Variants in ZBTB20 observed in about 807,000 individuals in gnomAD.
ZBTB20 encodes zinc finger and BTB domain-containing protein 20.
In ZBTB20, 9 loss-of-function variants were observed where a neutral mutation model predicts 56.9. The ratio of observed to expected loss-of-function variants is 0.16; its 90% CI spans 0.10 to 0.28. ZBTB20 has a LOEUF of 0.28. Among genes scored for constraint, ZBTB20 ranks in the 10% least tolerant of loss-of-function variants. The probability of loss-of-function intolerance (pLI) is 1.00; values close to 1 mark genes in which losing one functional copy is unlikely to be tolerated. For missense variants in ZBTB20, 655 were observed against 1,003.0 expected (o/e 0.65, Z 4.69); for synonymous variants, 417 against 420.7 (o/e 0.99, Z 0.11).
intron 3 of ZBTB20, among the ~76,000 whole-genome samples, chr3:114,939,259 C>T (rs1332363608): frequency 6.8e-6 from 1 of 146,278 alleles, no homozygotes; most frequent in South Asian, 2.1e-4. Flanking sequence ...AACAAAGATG[C>T]TCATCGCAGT....
chr3:114,792,683 G>C (rs72956238), intron 5 of ZBTB20, among the ~76,000 whole-genome samples: 2 of 151,948 alleles, frequency 1.3e-5, no homozygotes, highest in African/African-American at 4.8e-5. Flanking sequence ...CCTAAAGTTG[G>C]CACACATGGA....
intron 3 of ZBTB20, among the ~76,000 whole-genome samples, chr3:114,912,031 G>A (rs1336759111): frequency 6.6e-6 from 1 of 150,900 alleles, no homozygotes; most frequent in Non-Finnish European, 1.5e-5. Flanking sequence ...AAAGAGCCTT[G>A]TTCCATATAA....
At chr3:114,966,873 A>G (rs1222222816) in intron 3 of ZBTB20, among the ~76,000 whole-genome samples, 1 of 152,122 alleles carries the variant, frequency 6.6e-6, no homozygotes, top group Non-Finnish European at 1.5e-5. Context: ...AAGTACACTC[A>G]AACATACTGG....
intron 5 of ZBTB20, among the ~76,000 whole-genome samples, chr3:114,761,844 A>G (rs1340896387): frequency 6.9e-6 from 1 of 145,626 alleles, no homozygotes; most frequent in African/African-American, 2.5e-5. Flanking sequence ...AAAAAAAAAG[A>G]AAAAAAAAAA....
chr3:114,500,177 T>C (rs770342363), intron 7 of ZBTB20, among the ~76,000 whole-genome samples, 175 bp downstream of exon 7: 4 of 152,180 alleles, frequency 2.6e-5, no homozygotes, highest in Non-Finnish European at 4.4e-5. Flanking sequence ...CCCTCATGGA[T>C]AGCAACTTAG....
chr3:114,473,876 A>C (rs1423847006), intron 7 of ZBTB20, among the ~76,000 whole-genome samples: 3 of 152,198 alleles, frequency 2.0e-5, no homozygotes, highest in Non-Finnish European at 2.9e-5. Flanking sequence ...CTAAGGTTAC[A>C]CAGTGTATGA....
intron 1 of ZBTB20, among the ~76,000 whole-genome samples, chr3:115,095,759 T>C (rs770287175): frequency 7.2e-5 from 11 of 152,150 alleles, no homozygotes; most frequent in Admixed American, 2.6e-4. Context: ...ATATTAAACA[T>C]AATTGTCATC....
chr3:114,506,232 A>G (rs1173271112), intron 6 of ZBTB20, among the ~76,000 whole-genome samples: 9 of 152,172 alleles, frequency 5.9e-5, no homozygotes, highest in Non-Finnish European at 1.2e-4. Flanking sequence ...AGATGCTATG[A>G]TAACAATCCT....
chr3:114,868,958 A>C (rs1277371251), intron 4 of ZBTB20, among the ~76,000 whole-genome samples: 1 of 152,090 alleles, frequency 6.6e-6, no homozygotes. Flanking sequence ...TATGATAAGA[A>C]TGTTTGTTCT....
At chr3:115,097,351 G>A (rs556577039) in intron 1 of ZBTB20, among the ~76,000 whole-genome samples, 1 of 151,636 alleles carries the variant, frequency 6.6e-6, no homozygotes, top group Non-Finnish European at 1.5e-5. Flanking sequence ...GGTAGTTTTT[G>A]TATTTTTTTT....
chr3:115,140,001 T>A (rs1349721782), intron 1 of ZBTB20, among the ~76,000 whole-genome samples: 2 of 152,058 alleles, frequency 1.3e-5, no homozygotes, highest in African/African-American at 2.4e-5. Context: ...GAAAGCAAAG[T>A]CAAGTATTTT....
At chr3:114,888,539 A>G (rs2107618250) in intron 4 of ZBTB20, among the ~76,000 whole-genome samples, 1 of 152,356 alleles carries the variant, frequency 6.6e-6, no homozygotes, top group East Asian at 1.9e-4. Flanking sequence ...ATAAAAAATT[A>G]TTTATGTTCC....
At chr3:114,479,942 G>A (rs1489297188) in intron 7 of ZBTB20, among the ~76,000 whole-genome samples, 4 of 152,204 alleles carry the variant, frequency 2.6e-5, no homozygotes, top group Non-Finnish European at 5.9e-5. Flanking sequence ...AACCCGCTCA[G>A]GGTTAGCAGC....
intron 2 of ZBTB20, among the ~76,000 whole-genome samples, chr3:115,040,808 T>C (rs1161986395): frequency 6.6e-6 from 1 of 152,136 alleles, no homozygotes; most frequent in Non-Finnish European, 1.5e-5. Context: ...GTTTTTGCCT[T>C]GAAACATTTC....
rs1283269773 is a variant in ZBTB20, at chr3:114,420,586, G to A, written c.-254-31481C>T. Among the ~76,000 whole-genome samples, 3 of 152,186 alleles carry A rather than the reference G, an allele frequency of 2.0e-5. No homozygotes were observed. The East Asian group carries it at 5.8e-4, about 29-fold the overall frequency. On this transcript the variant is annotated intron_variant, in intron 7 of 11. Transcript: ENST00000675478. ...GGTTTTTGAAAAATCATAGCACTCT[G>A]AAGAATACTATCCAGTCTTTCCCAT...
At chr3:114,961,231 G>C (rs1272323624) in intron 3 of ZBTB20, among the ~76,000 whole-genome samples, 5 of 150,206 alleles carry the variant, frequency 3.3e-5, no homozygotes, top group Admixed American at 1.3e-4. Context: ...ATAATTCCTA[G>C]TCAAATATGT....
intron 4 of ZBTB20, among the ~76,000 whole-genome samples, chr3:114,863,939 A>C (rs1388047784): frequency 6.6e-6 from 1 of 152,094 alleles, no homozygotes; most frequent in Non-Finnish European, 1.5e-5. Context: ...TCTTCCTCTA[A>C]AAATGAAACT....
chr3:114,610,135 G>A (rs111904298), intron 6 of ZBTB20, among the ~76,000 whole-genome samples: 50 of 152,146 alleles, frequency 3.3e-4, no homozygotes, highest in Non-Finnish European at 5.9e-4. Context: ...GTTTTGACCC[G>A]CAGTTCTTGC....
At chr3:114,461,545 G>A (rs1296999040) in intron 7 of ZBTB20, among the ~76,000 whole-genome samples, 2 of 152,096 alleles carry the variant, frequency 1.3e-5, no homozygotes, top group African/African-American at 2.4e-5. Flanking sequence ...GCCTCAAATG[G>A]TCCTCCCACT....
Sources: gnomAD v4.1 joint callset for allele counts (sites outside exome capture counted in the v4.1 genomes callset) on GRCh38, gnomAD v4.1.1 for gene constraint, MANE v1.5 for transcripts, NCBI Gene and HGNC (gene_info 2026-07-23, HGNC 2026-07-21) for gene names.